Variants in XRCC5 observed in about 807,000 individuals in gnomAD.
XRCC5 encodes the protein DNA repair protein Ku80.
In XRCC5, 12 loss-of-function variants were observed where a neutral mutation model predicts 95.7. The ratio of observed to expected loss-of-function variants is 0.13; its 90% CI spans 0.08 to 0.20. The LOEUF is 0.20. Ranked by LOEUF, XRCC5 falls within the 10% of genes least tolerant of loss-of-function variation. The pLI is 1.00. For synonymous variants in XRCC5, 281 were observed against 290.3 expected (o/e 0.97, Z 0.33); for missense variants, 595 against 873.9 (o/e 0.68, Z 4.02).
In XRCC5 at chr2:216,175,278, C is replaced by G. The variant is rs1283217639; in HGVS notation, c.1834+13230C>G. 3.7e-5 allele frequency: 16 copies of G among 430,852 alleles called. No individual in the cohort carries two copies. In the Middle Eastern group the frequency reaches 6.0e-3, roughly 163 times the overall value. 26.7% of individuals were successfully genotyped at this position (430,852 alleles called of 1,614,324 possible). On this transcript the variant is annotated intron_variant, in intron 16 of 20. Coordinates refer to ENST00000392132, the MANE Select transcript of XRCC5 (RefSeq NM_021141.4). ...CCTCCATAACCACCTCTGCTGCCAC[C>G]ACCTCTACTTCTACCACCAGAGCCT...
Position 216,137,195 on chromosome 2 carries a change from G to C in XRCC5, c.1221G>C (p.Val407=). 1 of 1,613,032 alleles carries C rather than the reference G, an allele frequency of 6.2e-7. No individual in the cohort carries two copies. The highest frequency in any genetic ancestry group is 1.7e-4 in the Middle Eastern group (1 of 6,056). The change falls in exon 11 of 21, where the codon GTG becomes GTC. Residue 407 remains valine, a synonymous_variant. Coordinates refer to ENST00000392132, the MANE Select transcript of XRCC5 (RefSeq NM_021141.4). ...AAAGAGCTAATCCTCAAGTCGGCGT[G>C]GCTTTTCCTCATATCAAGCATAACT... The part of the protein sequence containing the change: ...YDKRANPQVG[V]AFPHIKHNYE...
chr2:216,205,472 A>G lies in XRCC5; in HGVS notation c.*270A>G. The stretch of plus-strand genomic sequence containing the variant: ...TTTCTGTGGTCTTACTGATCTTTGT[A>G]TATTACATACATGCTTTGAAGTTTC... On this transcript the variant is annotated 3_prime_UTR_variant, in exon 21 of 21. Transcript: ENST00000392132. The G allele has an allele frequency of 2.0e-6, 1 of 492,710 alleles. No individual in the cohort carries two copies. Among genetic ancestry groups the G allele is most frequent in the Non-Finnish European group, 3.6e-6 (1 of 275,072 alleles). The allele number at this position is 492,710 out of a possible 1,614,324, so 30.5% of individuals were successfully genotyped here. A position where few individuals can be genotyped will look rare whatever the true frequency, so the allele number is the denominator to read the frequency against.
At position 216,115,622 on chromosome 2, in the gene XRCC5, T is replaced by C. The variant is rs1051386782; in HGVS notation, c.136-1037T>C. ...ATTCCATTATCTCTCCATACAGCAC[T>C]CTTCCCCATCAATGTAAAAAGGCTT... On this transcript the variant is annotated intron_variant, in intron 2 of 20. Coordinates refer to ENST00000392132, the MANE Select transcript of XRCC5 (RefSeq NM_021141.4). 2.9e-4 allele frequency among the ~76,000 whole-genome samples: 44 copies of C among 152,170 alleles called. 2 individuals are homozygous for C. The highest frequency in any genetic ancestry group is 2.8e-3 in the Admixed American group (43 of 15,282).
At chr2:216,193,699 T>A (rs1203122828) in intron 18 of XRCC5, among the ~76,000 whole-genome samples, 1 of 152,248 alleles carries the variant, frequency 6.6e-6, no homozygotes, top group African/African-American at 2.4e-5. Flanking sequence ...ATTGAATGCC[T>A]ATAGCGTATT....
chr2:216,109,520 A>C, intron 1 of XRCC5, 63 bp downstream of exon 1: 2 of 1,606,658 alleles, frequency 1.2e-6, no homozygotes, highest in Non-Finnish European at 1.7e-6. Context: ...GGTGGTTCGG[A>C]AGCAGGAATC....
At chr2:216,193,833 G>A (rs781281509) in intron 18 of XRCC5, among the ~76,000 whole-genome samples, 32 of 152,216 alleles carry the variant, frequency 2.1e-4, no homozygotes, top group Admixed American at 1.6e-3. Flanking sequence ...AAATACATGT[G>A]CTTTTTGAAC....
rs180684785 is a variant in XRCC5 at position 216,205,508 on chromosome 2, A to G, written c.*306A>G. The G allele has an allele frequency of 1.6e-5, 6 of 382,458 alleles. No homozygotes were observed. In the Admixed American group the frequency reaches 2.1e-4, roughly 13 times the overall value. The allele number at this position is 382,458 out of a possible 1,614,324, so 23.7% of individuals were successfully genotyped here. On this transcript the variant is annotated 3_prime_UTR_variant, in exon 21 of 21. Transcript: ENST00000392132. The stretch of plus-strand genomic sequence containing the variant: ...ATGCTTTGAAGTTTCTGGAAAGTAG[A>G]TCTTTTCTTGACCTAGTATATCAGT...
chr2:216,149,076 A>T (rs1259182205), intron 14 of XRCC5, among the ~76,000 whole-genome samples: 1 of 152,066 alleles, frequency 6.6e-6, no homozygotes, highest in Non-Finnish European at 1.5e-5. Context: ...TTAAACCATG[A>T]ATCTTTTCCC....
intron 19 of XRCC5, among the ~76,000 whole-genome samples, chr2:216,199,327 C>A (rs952169675): frequency 6.6e-6 from 1 of 152,138 alleles, no homozygotes; most frequent in Non-Finnish European, 1.5e-5. Context: ...ATCTTAAGAG[C>A]TATTACCCTC....
chr2:216,180,471 C>G (rs1338260694), intron 16 of XRCC5, among the ~76,000 whole-genome samples: 1 of 152,166 alleles, frequency 6.6e-6, no homozygotes. Context: ...ACTAAAAATA[C>G]AAAAATCAGT....
intron 10 of XRCC5, among the ~76,000 whole-genome samples, chr2:216,134,018 T>G (rs1003289215): frequency 1.4e-4 from 22 of 152,182 alleles, no homozygotes; most frequent in African/African-American, 5.3e-4. Context: ...AGGTGGTGCT[T>G]TTTGTTCAAG....
At chr2:216,143,252 A>T (rs79883905) in intron 13 of XRCC5, among the ~76,000 whole-genome samples, 4,824 of 152,322 alleles carry the variant, frequency 0.032, 268 homozygotes, top group African/African-American at 0.11. Flanking sequence ...TCTGTACTCT[A>T]GCATGCTAAG....
At chr2:216,122,025 G>A (rs778908806) in intron 5 of XRCC5, 37 bp from the exon 6 acceptor site, 3 of 1,559,112 alleles carry the variant, frequency 1.9e-6, no homozygotes, top group Admixed American at 1.9e-5. Context: ...ACAGTTACAG[G>A]ATTAGAACAC....
chr2:216,192,752 C>CTT lies in XRCC5; in HGVS notation c.2041+25_2041+26dup. 6.6e-7 allele frequency: 1 copy of CTT among 1,503,794 alleles called. No homozygotes were observed. The highest frequency in any genetic ancestry group is 8.9e-7 in the Non-Finnish European group (1 of 1,120,050). 93.2% of individuals were successfully genotyped at this position (1,503,794 alleles called of 1,614,324 possible). On this transcript the variant is annotated intron_variant, in intron 18 of 20. Transcript: ENST00000392132. ...TTGTCCAGGGTAAGTTGTCATTTGCCTTTTTTTTTAAAAAGTATTTTTAAA... is the reference window on the plus strand; with the variant it reads ...TTGTCCAGGGTAAGTTGTCATTTGCCTTTTTTTTTTTAAAAAGTATTTTTAAA...
chr2:216,147,417 T>C (rs1430072633), intron 13 of XRCC5, among the ~76,000 whole-genome samples: 1 of 152,118 alleles, frequency 6.6e-6, no homozygotes, highest in African/African-American at 2.4e-5. Flanking sequence ...CCACTTCCAG[T>C]CAGACAGTGG....
intron 6 of XRCC5, among the ~76,000 whole-genome samples, chr2:216,123,799 C>T (rs560236710): frequency 6.6e-6 from 1 of 152,238 alleles, no homozygotes; most frequent in East Asian, 1.9e-4. Context: ...GAGCGAGACT[C>T]CGTCTCAAAA....
intron 8 of XRCC5, 47 bp from the exon 9 acceptor site, chr2:216,130,828 A>G: frequency 7.5e-7 from 1 of 1,332,016 alleles, no homozygotes; most frequent in Non-Finnish European, 1.1e-6. Context: ...AGCTTGTAGA[A>G]AATGAGGCCC....
chr2:216,198,430 C>G (rs978738254), intron 19 of XRCC5, among the ~76,000 whole-genome samples: 3 of 152,224 alleles, frequency 2.0e-5, no homozygotes, highest in Non-Finnish European at 4.4e-5. Flanking sequence ...GTCACTGTAT[C>G]ATGCCTGACT....
intron 16 of XRCC5, among the ~76,000 whole-genome samples, chr2:216,180,331 T>G (rs207944): frequency 0.79 from 119,633 of 152,180 alleles, 47,775 homozygotes; most frequent in African/African-American, 0.94. Flanking sequence ...CTTTGAAGAA[T>G]AATTCGTGGA....
Sources: gnomAD v4.1 joint callset for allele counts (sites outside exome capture counted in the v4.1 genomes callset) on GRCh38, gnomAD v4.1.1 for gene constraint, MANE v1.5 for transcripts, NCBI Gene and HGNC (gene_info 2026-07-23, HGNC 2026-07-21) for gene names.